Variants in RAB38 observed in about 807,000 individuals in gnomAD.
The protein encoded by RAB38 is RAB38, member RAS oncogene family.
RAB38 carries 15 observed loss-of-function variants against 18.4 expected under a neutral mutation model. The ratio of observed to expected loss-of-function variants is 0.82; its 90% CI spans 0.55 to 1.26. The LOEUF is 1.26. RAB38 is among the 50% of genes most tolerant of loss of function. The probability of loss-of-function intolerance (pLI) is 0.00; values close to 1 mark genes in which losing one functional copy is unlikely to be tolerated. For synonymous variants in RAB38, 101 were observed against 104.4 expected (o/e 0.97, Z 0.20); for missense variants, 294 against 267.4 (o/e 1.10, Z -0.69).
At chr11:88,028,573 A>G in the RAB38 span, among the ~76,000 whole-genome samples, 4 of 152,338 alleles carry the variant, frequency 2.6e-5, no homozygotes, top group Admixed American at 2.0e-4. Context: ...CGAAAACTAC[A>G]TGAAGAATGC....
At chr11:88,028,430 C>A in the RAB38 span, among the ~76,000 whole-genome samples, 1 of 152,068 alleles carries the variant, frequency 6.6e-6, no homozygotes, top group African/African-American at 2.4e-5. Context: ...CAAACTACTC[C>A]GAGCTACAGG....
intron 1 of RAB38, among the ~76,000 whole-genome samples, chr11:88,174,706 A>G (rs1018773039): frequency 4.6e-5 from 7 of 152,136 alleles, no homozygotes; most frequent in African/African-American, 1.7e-4. Flanking sequence ...AATTTGAAAT[A>G]AAGTGAGCCA....
chr11:87,842,190 G>A, the RAB38 span, among the ~76,000 whole-genome samples: 1 of 152,090 alleles, frequency 6.6e-6, no homozygotes, highest in African/African-American at 2.4e-5. Context: ...CAGCTTACTA[G>A]ACCAGAATAA....
the RAB38 span, among the ~76,000 whole-genome samples, chr11:87,969,313 G>C: frequency 2.0e-5 from 3 of 152,016 alleles, no homozygotes; most frequent in Admixed American, 1.3e-4. Context: ...CCCCCCAATA[G>C]AGTATGTGAA....
chr11:88,053,571 C>T, the RAB38 span, among the ~76,000 whole-genome samples: 1 of 151,028 alleles, frequency 6.6e-6, no homozygotes, highest in African/African-American at 2.4e-5. Context: ...GACAGCTGTG[C>T]GTCCAGTGAG....
the RAB38 span, among the ~76,000 whole-genome samples, chr11:87,810,931 C>CTT: frequency 3.3e-5 from 5 of 151,980 alleles, no homozygotes; most frequent in African/African-American, 4.8e-5. Flanking sequence ...GAGATTGAGG[C>CTT]GAGTTTCAGA....
the RAB38 span, among the ~76,000 whole-genome samples, chr11:88,076,966 AAAAAAAAAAG>A: frequency 3.5e-5 from 4 of 115,874 alleles, no homozygotes; most frequent in African/African-American, 1.4e-4. Flanking sequence ...CAAAAAAAAA[AAAAAAAAAAG>A]AAAGAAAGAA....
At chr11:88,006,997 CAAAG>C in the RAB38 span, among the ~76,000 whole-genome samples, 1 of 151,604 alleles carries the variant, frequency 6.6e-6, no homozygotes, top group Non-Finnish European at 1.5e-5. Context: ...TTGAATCTCA[CAAAG>C]AAATAATAAA....
chr11:88,135,313 T>G (rs1047706519), intron 2 of RAB38, among the ~76,000 whole-genome samples: 3 of 152,190 alleles, frequency 2.0e-5, no homozygotes, highest in African/African-American at 7.2e-5. Context: ...TTTACTCACT[T>G]TAATGCAAGT....
At chr11:87,935,246 G>A in the RAB38 span, among the ~76,000 whole-genome samples, 1 of 151,568 alleles carries the variant, frequency 6.6e-6, no homozygotes, top group Admixed American at 6.6e-5. Flanking sequence ...CTTATTTTGA[G>A]GGGGCTCTTC....
chr11:87,864,273 T>C, the RAB38 span, among the ~76,000 whole-genome samples: 1 of 151,320 alleles, frequency 6.6e-6, no homozygotes, highest in African/African-American at 2.4e-5. Context: ...ACAATGCTCA[T>C]ATAATTAATA....
the RAB38 span, among the ~76,000 whole-genome samples, chr11:88,032,528 A>C: frequency 6.6e-6 from 1 of 152,178 alleles, no homozygotes; most frequent in Non-Finnish European, 1.5e-5. Context: ...TCAAATTTAC[A>C]AGAAAAAAAC....
At chr11:88,004,444 T>C in the RAB38 span, among the ~76,000 whole-genome samples, 1 of 151,004 alleles carries the variant, frequency 6.6e-6, no homozygotes, top group Non-Finnish European at 1.5e-5. Flanking sequence ...TCAAAAACTA[T>C]CAGAAAACCT....
the RAB38 span, among the ~76,000 whole-genome samples, chr11:87,965,183 T>C: frequency 2.0e-5 from 3 of 152,076 alleles, no homozygotes; most frequent in African/African-American, 7.2e-5. Flanking sequence ...TGAGAACCAC[T>C]GTACCAGAGA....
At chr11:88,147,070 T>G (rs906467307) in intron 2 of RAB38, among the ~76,000 whole-genome samples, 1 of 152,218 alleles carries the variant, frequency 6.6e-6, no homozygotes, top group African/African-American at 2.4e-5. Flanking sequence ...CAGAAGGTCT[T>G]TTGACCCACG....
chr11:88,057,906 G>A, the RAB38 span, among the ~76,000 whole-genome samples: 4 of 152,220 alleles, frequency 2.6e-5, no homozygotes, highest in East Asian at 7.7e-4. Flanking sequence ...CAGGGGGTTA[G>A]GGAATTCCTT....
the RAB38 span, among the ~76,000 whole-genome samples, chr11:88,043,344 G>T: frequency 6.6e-6 from 1 of 152,132 alleles, no homozygotes; most frequent in African/African-American, 2.4e-5. Flanking sequence ...AAGAAATAAG[G>T]GGGTGAAGAA....
At chr11:87,977,427 T>G in the RAB38 span, among the ~76,000 whole-genome samples, 1 of 103,862 alleles carries the variant, frequency 9.6e-6, no homozygotes, top group Non-Finnish European at 1.8e-5. Flanking sequence ...AATTATATTA[T>G]AAAACAATTA....
the RAB38 span, among the ~76,000 whole-genome samples, chr11:87,904,013 T>C: frequency 2.0e-5 from 3 of 151,742 alleles, no homozygotes; most frequent in African/African-American, 2.4e-5. Flanking sequence ...TTGTTTTCTA[T>C]TTATTTTATG....
Sources: gnomAD v4.1 joint callset for allele counts (sites outside exome capture counted in the v4.1 genomes callset) on GRCh38, gnomAD v4.1.1 for gene constraint, MANE v1.5 for transcripts, NCBI Gene and HGNC (gene_info 2026-07-23, HGNC 2026-07-21) for gene names.